Variants in EDEM1 observed in about 807,000 individuals in gnomAD.
The protein encoded by EDEM1 is ER degradation-enhancing alpha-mannosidase-like protein 1.
A neutral mutation model predicts 74.4 loss-of-function variants in EDEM1; 67 were observed. The ratio of observed to expected loss-of-function variants is 0.90; its 90% CI spans 0.74 to 1.10. EDEM1 has a LOEUF of 1.10. Among genes scored for constraint, EDEM1 ranks in the 50% least tolerant of loss-of-function variants. EDEM1 has a pLI of 0.00. For missense variants in EDEM1, 926 were observed against 851.6 expected, an observed-to-expected ratio of 1.09 and a Z score of -1.09; for synonymous variants, 382 against 335.9, an observed-to-expected ratio of 1.14 and a Z score of -1.50.
At chr3:5,194,718 C>A (rs2054941834) in intron 1 of EDEM1, among the ~76,000 whole-genome samples, 1 of 152,182 alleles carries the variant, frequency 6.6e-6, no homozygotes, top group Non-Finnish European at 1.5e-5. Context: ...ATACCCCCAA[C>A]CATAGGGCAG....
At position 5,188,129 on chromosome 3, in the gene EDEM1, C is replaced by T. The variant is rs1217680047; in HGVS notation, c.324C>T (p.Gly108=). 10 of 1,527,478 alleles carry T rather than the reference C, an allele frequency of 6.5e-6. No individual in the cohort carries two copies. The South Asian group carries it at 7.4e-5, about 11-fold the overall frequency. 94.6% of individuals were successfully genotyped at this position (1,527,478 alleles called of 1,614,324 possible). ...GGGGCTACGTGCTGGGCGGCCGGGG[C>T]CGCGGCCCGGACGAGTACGAGAAGC... is the stretch of plus-strand genomic sequence containing the variant. The part of the protein sequence containing the change: ...ANWGYVLGGR[G]RGPDEYEKRY... Residue 108 remains glycine, a synonymous_variant, in exon 1 of 12, where the codon GGC becomes GGT. Coordinates refer to ENST00000256497, the MANE Select transcript of EDEM1 (RefSeq NM_014674.3).
In EDEM1 at chr3:5,188,093, C is replaced by G. The variant is rs1246242619; in HGVS notation, c.288C>G (p.Gly96=). The G allele has an allele frequency of 7.3e-6, 11 of 1,502,538 alleles. No homozygotes were observed. Among genetic ancestry groups the G allele is most frequent in the African/African-American group, 1.5e-5 (1 of 68,692 alleles). The allele number at this position is 1,502,538 out of a possible 1,614,324, so 93.1% of individuals were successfully genotyped here. ...GGCGTCCTGGGCCGGGGATGTGCGG[C>G]CCAGCCAACTGGGGCTACGTGCTGG... ...APRRPGPGMC[G]PANWGYVLGG... Residue 96 remains glycine (G), a synonymous_variant, in exon 1 of 12, where the codon GGC becomes GGG. Transcript: ENST00000256497.
intron 2 of EDEM1, among the ~76,000 whole-genome samples, chr3:5,196,195 G>A (rs747091791): frequency 2.6e-5 from 4 of 152,204 alleles, no homozygotes; most frequent in African/African-American, 7.2e-5. Context: ...AGTGGCTCAC[G>A]CCTGTAATCC....
Position 5,201,924 on chromosome 3 carries a change from G to T in EDEM1, c.858G>T (p.Arg286=), listed in dbSNP as rs139871228. ...CCAAGACAGGGATTCCATATCCTCGGGTGGGTAGACTGGTTTGACCCTTTG... is the reference window on the plus strand; with the variant it reads ...CCAAGACAGGGATTCCATATCCTCGTGTGGGTAGACTGGTTTGACCCTTTG... ...ENTKTGIPYP[R]VNLKTGVPPD... is the part of the protein sequence containing the mutation. The change falls in exon 4 of 12, where the codon CGG becomes CGT. Residue 286 remains arginine, a splice_region_variant and synonymous_variant. Transcript: ENST00000256497. 1.3e-4 allele frequency: 205 copies of T among 1,612,736 alleles called. 1 individual carries two copies. Among genetic ancestry groups the T allele is most frequent in the Non-Finnish European group, 1.6e-4 (191 of 1,179,582 alleles).
chr3:5,187,730 G>T lies in EDEM1; in HGVS notation c.-76G>T. The T allele has an allele frequency of 1.4e-6, 2 of 1,423,382 alleles. No homozygotes were observed. The highest frequency in any genetic ancestry group is 1.8e-6 in the Non-Finnish European group (2 of 1,088,912). The allele number at this position is 1,423,382 out of a possible 1,614,324, so 88.2% of individuals were successfully genotyped here. A position where few individuals can be genotyped will look rare whatever the true frequency, so the allele number is the denominator to read the frequency against. On this transcript the variant is annotated 5_prime_UTR_variant, in exon 1 of 12. Coordinates refer to ENST00000256497, the MANE Select transcript of EDEM1 (RefSeq NM_014674.3). ...TTAAAGGGGAAGCGAGCCGGGCTAC[G>T]GGGCGAGCGCGGGGTGCGGTGGTCG...
chr3:5,194,061 A>C (rs2054933614), intron 1 of EDEM1, among the ~76,000 whole-genome samples: 1 of 152,232 alleles, frequency 6.6e-6, no homozygotes, highest in Non-Finnish European at 1.5e-5. Context: ...GACCACAGCA[A>C]GCCATCACAA....
At position 5,218,766 on chromosome 3, in the gene EDEM1, T is replaced by C. The variant is rs2055274212; in HGVS notation, c.*2848T>C. On this transcript the variant is annotated 3_prime_UTR_variant, in exon 12 of 12. Coordinates refer to ENST00000256497, the MANE Select transcript of EDEM1 (RefSeq NM_014674.3). ...GAGGAATCCCTTCTAGAATCATAGGTGGCAAGGGAGGGTTTGCTAGCTCTC... is the reference window on the plus strand; with the variant it reads ...GAGGAATCCCTTCTAGAATCATAGGCGGCAAGGGAGGGTTTGCTAGCTCTC... The C allele has an allele frequency of 6.6e-6, 1 of 152,198 alleles. No homozygotes were observed. The highest frequency in any genetic ancestry group is 2.4e-5 in the African/African-American group (1 of 41,448). 9.4% of individuals were successfully genotyped at this position (152,198 alleles called of 1,614,324 possible).
rs2055253002 is a variant in EDEM1 at position 5,217,431 on chromosome 3, G to A, written c.*1513G>A. The stretch of plus-strand genomic sequence containing the variant: ...CTGTCACTGTTTTCCCACCTCTAAG[G>A]ATTTCATGTACATCTTTTCAAAGCT... On this transcript the variant is annotated 3_prime_UTR_variant, in exon 12 of 12. Coordinates refer to ENST00000256497, the MANE Select transcript of EDEM1 (RefSeq NM_014674.3). 3 of 152,508 alleles carry A rather than the reference G, an allele frequency of 2.0e-5. No individual in the cohort carries two copies. The highest frequency in any genetic ancestry group is 4.4e-5 in the Non-Finnish European group (3 of 68,014). The allele number at this position is 152,508 out of a possible 1,614,324, so 9.4% of individuals were successfully genotyped here.
chr3:5,196,091 C>T (rs145865700), intron 2 of EDEM1, among the ~76,000 whole-genome samples: 64 of 152,298 alleles, frequency 4.2e-4, no homozygotes, highest in Middle Eastern at 3.4e-3. Context: ...GCAGTCTAGC[C>T]CAAATGTTGT....
Position 5,188,298 on chromosome 3 carries a change from C to A in EDEM1, c.493C>A (p.Pro165Thr). The A allele has an allele frequency of 6.6e-7, 1 of 1,524,426 alleles. No individual in the cohort carries two copies. The highest frequency in any genetic ancestry group is 8.8e-7 in the Non-Finnish European group (1 of 1,133,544). The allele number at this position is 1,524,426 out of a possible 1,614,324, so 94.4% of individuals were successfully genotyped here. Reference sequence around the variant, plus strand: ...CCCCATCCACTGCCGCGGCCGTGGGCCCGACCGCGGGGACCCGTGAGTAGC... The same window carrying A: ...CCCCATCCACTGCCGCGGCCGTGGGACCGACCGCGGGGACCCGTGAGTAGC... ...LNPIHCRGRGPDRGDPSNLNI... is the reference protein window; with the variant it reads ...LNPIHCRGRGTDRGDPSNLNI... The change falls in exon 1 of 12, where the codon CCC (proline) becomes ACC (threonine). Residue 165 changes from proline to threonine, a missense_variant. Transcript: ENST00000256497.
At position 5,198,662 on chromosome 3, in the gene EDEM1, CTTTT is replaced by C. The variant is rs57260414; in HGVS notation, c.583-911_583-908del. Among the ~76,000 whole-genome samples the C allele has an allele frequency of 5.2e-3, 389 of 75,154 alleles. 1 individual carries two copies. Among genetic ancestry groups the C allele is most frequent in the Middle Eastern group, 7.9e-3 (1 of 126 alleles). 49.3% of individuals were successfully genotyped at this position (75,154 alleles called of 152,430 possible). ...GGTAAATTGTAAGGGACGTATATAG[CTTTT>C]TTTTTTTTTTTTTTTTTTGAATCTT... On this transcript the variant is annotated intron_variant, in intron 2 of 11. Transcript: ENST00000256497.
Position 5,208,510 on chromosome 3 carries a change from G to A in EDEM1, c.1509+247G>A, listed in dbSNP as rs78814129. Among the ~76,000 whole-genome samples, 880 of 152,124 alleles carry A rather than the reference G, an allele frequency of 5.8e-3. 5 individuals carry two copies. The highest frequency in any genetic ancestry group is 0.011 in the Admixed American group (164 of 15,278). On this transcript the variant is annotated intron_variant, in intron 8 of 11. Coordinates refer to ENST00000256497, the MANE Select transcript of EDEM1 (RefSeq NM_014674.3). The stretch of plus-strand genomic sequence containing the variant: ...TACAAAGCTGAATCATGTTTTTACC[G>A]TAGGACTTATAACTCACATCTTTAA...
chr3:5,205,160 C>G lies in EDEM1; in HGVS notation c.1136C>G (p.Ser379Cys). Residue 379 changes from serine (S) to cysteine (C), a missense_variant, in exon 6 of 12, where the codon TCT becomes TGT. Physicochemically the swap from Ser to Cys is moderately radical, Grantham distance 112. Transcript: ENST00000256497. ...TCCTTCTATGAATACCTCTTGAAATCTTACATTCTCTTTGGAGAAAAAGAA... is the reference window on the plus strand; with the variant it reads ...TCCTTCTATGAATACCTCTTGAAATGTTACATTCTCTTTGGAGAAAAAGAA... ...LDSFYEYLLK[S>C]YILFGEKEDL... 1 of 1,614,238 alleles carries G rather than the reference C, an allele frequency of 6.2e-7. No individual in the cohort carries two copies. Among genetic ancestry groups the G allele is most frequent in the Admixed American group, 1.7e-5 (1 of 60,028 alleles).
chr3:5,193,362 G>A (rs1419213573), intron 1 of EDEM1, among the ~76,000 whole-genome samples: 2 of 152,104 alleles, frequency 1.3e-5, no homozygotes, highest in Admixed American at 6.5e-5. Flanking sequence ...TGCACTTTTT[G>A]TACCTTTTTT....
intron 2 of EDEM1, among the ~76,000 whole-genome samples, chr3:5,196,483 C>CACACACACACAA (rs1384739421): frequency 2.0e-4 from 30 of 151,700 alleles, no homozygotes; most frequent in African/African-American, 7.0e-4. Flanking sequence ...CACACACACA[C>CACACACACACAA]AAGAATTGGG....
chr3:5,196,165 A>T lies in EDEM1; in HGVS notation c.582+884A>T, dbSNP rs189046031. The stretch of plus-strand genomic sequence containing the variant: ...AGAGTTTAAAGCTGTCTGTTAGGAG[A>T]TAGAATTGGGGCCGGGCGCAGTGGC... On this transcript the variant is annotated intron_variant, in intron 2 of 11. Coordinates refer to ENST00000256497, the MANE Select transcript of EDEM1 (RefSeq NM_014674.3). 1.4e-3 allele frequency among the ~76,000 whole-genome samples: 209 copies of T among 152,128 alleles called. 1 individual carries two copies. The highest frequency in any genetic ancestry group is 4.9e-3 in the African/African-American group (204 of 41,500).
rs1164846671 is a variant in EDEM1, at chr3:5,207,061, C to T, written c.1218-92C>T. On this transcript the variant is annotated intron_variant, in intron 6 of 11. Coordinates refer to ENST00000256497, the MANE Select transcript of EDEM1 (RefSeq NM_014674.3). ...TAGGAGAAAAAATTAATGTTAATTC[C>T]GTTTAAATGAAACTACCAGCAGCTG... The T allele has an allele frequency of 2.0e-5, 30 of 1,530,108 alleles. 2 individuals carry two copies. Among genetic ancestry groups the T allele is most frequent in the South Asian group, 5.0e-5 (4 of 80,686 alleles). The allele number at this position is 1,530,108 out of a possible 1,614,324, so 94.8% of individuals were successfully genotyped here. A position where few individuals can be genotyped will look rare whatever the true frequency, so the allele number is the denominator to read the frequency against.
chr3:5,199,747 T>G (rs1412455874), intron 3 of EDEM1, 52 bp downstream of exon 3: 1 of 1,508,510 alleles, frequency 6.6e-7, no homozygotes, highest in Non-Finnish European at 9.1e-7. Context: ...TTTATGTGTT[T>G]AAAGAAAAAA....
At chr3:5,213,880 C>T (rs754567309) in intron 11 of EDEM1, among the ~76,000 whole-genome samples, 3 of 152,142 alleles carry the variant, frequency 2.0e-5, no homozygotes, top group African/African-American at 7.2e-5. Context: ...CCTCCCCGCT[C>T]CCCCAGTTGC....
Sources: allele counts gnomAD v4.1 joint callset (sites outside exome capture counted in the v4.1 genomes callset), GRCh38; gene constraint gnomAD v4.1.1; transcripts MANE v1.5; gene names NCBI Gene and HGNC (gene_info 2026-07-23, HGNC 2026-07-21).